The following DCC variants were observed in gnomAD, a reference collection of about 807,000 sequenced individuals.
DCC encodes the protein DCC netrin 1 receptor, also known as netrin receptor DCC.
DCC carries 58 observed loss-of-function variants against 172.5 expected under a neutral mutation model. The observed-to-expected ratio is 0.34, with a 90% CI of 0.27 to 0.42. DCC has a LOEUF of 0.42. DCC is among the 10% of genes least tolerant of loss of function. The probability of loss-of-function intolerance (pLI) is 1.00; values close to 1 mark genes in which losing one functional copy is unlikely to be tolerated. For missense variants in DCC, 1,740 were observed against 1,791.0 expected (o/e 0.97, Z 0.51); for synonymous variants, 709 against 644.5 (o/e 1.10, Z -1.52).
intron 27 of DCC, among the ~76,000 whole-genome samples, chr18:53,507,106 T>G (rs766041915): frequency 4.6e-5 from 7 of 151,518 alleles, no homozygotes; most frequent in Non-Finnish European, 7.4e-5. Context: ...TGAAAGACTA[T>G]GAGTAAGAGA....
intron 12 of DCC, among the ~76,000 whole-genome samples, chr18:53,225,088 T>C (rs1276893966): frequency 6.6e-6 from 1 of 152,088 alleles, no homozygotes; most frequent in Non-Finnish European, 1.5e-5. Flanking sequence ...TGGGGAAGAA[T>C]GTTTCCAAAG....
At chr18:52,658,059 A>G (rs1426460879) in intron 1 of DCC, among the ~76,000 whole-genome samples, 1 of 152,196 alleles carries the variant, frequency 6.6e-6, no homozygotes. Context: ...TAGTTGTTTT[A>G]TAAGGAGGAG....
chr18:53,163,484 C>T (rs543320046), intron 8 of DCC, among the ~76,000 whole-genome samples: 1 of 152,284 alleles, frequency 6.6e-6, no homozygotes, highest in East Asian at 1.9e-4. Flanking sequence ...GTTTATTTAG[C>T]TGCTTGACAC....
rs977517084 is a variant in DCC, at chr18:53,322,240, C to T, written c.2164+83C>T. On this transcript the variant is annotated intron_variant, in intron 14 of 28. Coordinates refer to ENST00000442544, the MANE Select transcript of DCC (RefSeq NM_005215.4). ...AAAGGTCTCTTAAAAAAGGAATGAA[C>T]TCCAACTTTGGGGACATTGATTCTT... 36 of 798,658 alleles carry T rather than the reference C, an allele frequency of 4.5e-5. No homozygotes were observed. In the African/African-American group the frequency reaches 5.7e-4, roughly 13 times the overall value. The allele number at this position is 798,658 out of a possible 1,614,324, so 49.5% of individuals were successfully genotyped here. A position where few individuals can be genotyped will look rare whatever the true frequency, so the allele number is the denominator to read the frequency against.
intron 5 of DCC, among the ~76,000 whole-genome samples, chr18:52,945,569 T>C (rs2040530720): frequency 6.6e-6 from 1 of 152,234 alleles, no homozygotes; most frequent in South Asian, 2.1e-4. Context: ...AATGAATTTT[T>C]AGAAATGCCC....
Position 53,532,120 on chromosome 18 carries a change from A to G in DCC, c.*1467A>G, listed in dbSNP as rs921289447. 6.6e-6 allele frequency: 1 copy of G among 152,172 alleles called. No individual in the cohort carries two copies. The highest frequency in any genetic ancestry group is 1.9e-4 in the East Asian group (1 of 5,194). The allele number at this position is 152,172 out of a possible 1,614,324, so 9.4% of individuals were successfully genotyped here. On this transcript the variant is annotated 3_prime_UTR_variant, in exon 29 of 29. Transcript: ENST00000442544. ...AGTTAGGTGACTTGAAAACCCAATG[A>G]GAGAGTTTCAGCTGAATTATTCCTT...
chr18:52,998,546 C>T (rs2041518740), intron 5 of DCC, among the ~76,000 whole-genome samples: 1 of 152,006 alleles, frequency 6.6e-6, no homozygotes, highest in African/African-American at 2.4e-5. Context: ...AAGTAATCAC[C>T]TGCCAGGACT....
chr18:52,740,325 T>C (rs1430829757), intron 1 of DCC, among the ~76,000 whole-genome samples: 1 of 152,198 alleles, frequency 6.6e-6, no homozygotes, highest in African/African-American at 2.4e-5. Flanking sequence ...ATGTTTCTGT[T>C]ATCACTGTGG....
chr18:53,365,180 G>T (rs907278685), intron 15 of DCC, among the ~76,000 whole-genome samples: 1 of 151,724 alleles, frequency 6.6e-6, no homozygotes, highest in Non-Finnish European at 1.5e-5. Context: ...GAGATGTTTG[G>T]TTTTTTGTCC....
In DCC at chr18:53,391,673, A is replaced by G. The variant is rs747466417; in HGVS notation, c.2474A>G (p.Asp825Gly). The G allele has an allele frequency of 6.2e-7, 1 of 1,613,736 alleles. No homozygotes were observed. The highest frequency in any genetic ancestry group is 2.2e-5 in the East Asian group (1 of 44,864). The change falls in exon 17 of 29, where the codon GAT becomes GGT. Residue 825 changes from aspartate to glycine, a missense_variant. Physicochemically the swap from Asp to Gly is moderately conservative, Grantham distance 94. This residue lies in a region of DCC where 1,732 missense variants were observed against 1,767.4 expected (regional missense o/e 0.98). Coordinates refer to ENST00000442544, the MANE Select transcript of DCC (RefSeq NM_005215.4). ...AACCCAGATCCCACTGACCCAGTTG[A>G]TTATTATCCTTTGCTTGATGATTTC... ...RSITDPTDPV[D>G]YYPLLDDFPT...
At chr18:52,439,621 C>T (rs1219151776) in intron 1 of DCC, among the ~76,000 whole-genome samples, 4 of 152,264 alleles carry the variant, frequency 2.6e-5, no homozygotes, top group African/African-American at 9.6e-5. Flanking sequence ...TAAGTTTTGA[C>T]ACAGATTAAT....
intron 2 of DCC, chr18:52,816,852 GATTTT>G (rs1320084044): frequency 1.3e-5 from 2 of 152,032 alleles, no homozygotes; most frequent in African/African-American, 4.8e-5. Flanking sequence ...AAAATGAAAA[GATTTT>G]ATTTAATTAA....
intron 1 of DCC, among the ~76,000 whole-genome samples, chr18:52,719,423 C>A (rs1232964592): frequency 6.6e-6 from 1 of 152,046 alleles, no homozygotes; most frequent in Non-Finnish European, 1.5e-5. Context: ...AGTCCACTCT[C>A]AGGAAGGGTG....
At chr18:52,393,846 G>A (rs41418148) in intron 1 of DCC, among the ~76,000 whole-genome samples, 1 of 151,982 alleles carries the variant, frequency 6.6e-6, no homozygotes, top group Non-Finnish European at 1.5e-5. Context: ...CTAATTTCCA[G>A]TCAGGATTAA....
chr18:52,345,387 C>G (rs759654417), intron 1 of DCC, among the ~76,000 whole-genome samples: 1 of 152,222 alleles, frequency 6.6e-6, no homozygotes, highest in Admixed American at 6.5e-5. Context: ...TCTTCCCCCT[C>G]TTTTTCCATT....
At chr18:53,394,186 C>A (rs1212758183) in intron 17 of DCC, among the ~76,000 whole-genome samples, 8 of 152,268 alleles carry the variant, frequency 5.3e-5, no homozygotes, top group African/African-American at 1.9e-4. Context: ...GGCTTTGCAA[C>A]CTCCTGTCAT....
chr18:52,588,952 T>A (rs75680365), intron 1 of DCC, among the ~76,000 whole-genome samples: 10,380 of 152,202 alleles, frequency 0.068, 437 homozygotes, highest in Middle Eastern at 0.099. Flanking sequence ...ATATACAATA[T>A]TTGCCTCATC....
chr18:52,589,449 T>C (rs771479431), intron 1 of DCC, among the ~76,000 whole-genome samples: 118 of 152,324 alleles, frequency 7.7e-4, no homozygotes, highest in Admixed American at 1.6e-3. Context: ...CCTGAAGGCT[T>C]TGGATATTAT....
At chr18:52,909,925 T>C (rs1451294080) in intron 3 of DCC, among the ~76,000 whole-genome samples, 1 of 152,040 alleles carries the variant, frequency 6.6e-6, no homozygotes, top group African/African-American at 2.4e-5. Flanking sequence ...CAAAGAGAAG[T>C]ATACACCATG....
Sources: gnomAD v4.1 joint callset for allele counts (sites outside exome capture counted in the v4.1 genomes callset) on GRCh38, gnomAD v4.1.1 for gene constraint, gnomAD v4.1.1 regional missense constraint, MANE v1.5 for transcripts, NCBI Gene and HGNC (gene_info 2026-07-23, HGNC 2026-07-21) for gene names.